Variants in TTC17 observed in about 807,000 individuals in gnomAD.
TTC17 encodes the protein tetratricopeptide repeat protein 17.
In TTC17, 58 loss-of-function variants were observed where a neutral mutation model predicts 143.8. The ratio of observed to expected loss-of-function variants is 0.40; its 90% CI spans 0.33 to 0.50. TTC17 has a LOEUF of 0.50. Among genes scored for constraint, TTC17 ranks in the 20% least tolerant of loss-of-function variants. The probability of loss-of-function intolerance (pLI) is 0.49; values close to 1 mark genes in which losing one functional copy is unlikely to be tolerated. For synonymous variants in TTC17, 501 were observed against 497.8 expected (o/e 1.01, Z -0.09); for missense variants, 1,273 against 1,392.5 (o/e 0.91, Z 1.37).
chr11:43,472,465 A>G (rs902912587), intron 21 of TTC17, among the ~76,000 whole-genome samples: 6 of 152,256 alleles, frequency 3.9e-5, no homozygotes, highest in East Asian at 3.8e-4. Context: ...CAGACATTTC[A>G]TAATGATAAA....
At chr11:43,417,683 A>G (rs1302499590) in intron 16 of TTC17, among the ~76,000 whole-genome samples, 4 of 152,142 alleles carry the variant, frequency 2.6e-5, no homozygotes, top group East Asian at 3.9e-4. Flanking sequence ...TAAAAATACA[A>G]TAATTAGCTG....
chr11:43,490,658 G>A (rs1434773503), intron 22 of TTC17: 3 of 181,792 alleles, frequency 1.7e-5, no homozygotes, highest in Non-Finnish European at 3.4e-5. Context: ...TACAGCAAAT[G>A]CACTGGCCTA....
chr11:43,417,409 TA>T (rs1946802206), intron 16 of TTC17, among the ~76,000 whole-genome samples: 1 of 152,214 alleles, frequency 6.6e-6, no homozygotes, highest in African/African-American at 2.4e-5. Flanking sequence ...TTTTATAAGT[TA>T]TCTTGTCTGA....
chr11:43,447,737 T>A, intron 18 of TTC17: 1 of 339,208 alleles, frequency 2.9e-6, no homozygotes, highest in Non-Finnish European at 5.3e-6. Flanking sequence ...CCTTAACCCC[T>A]TATTTCATGT....
intron 16 of TTC17, among the ~76,000 whole-genome samples, chr11:43,441,103 C>T (rs1947408020): frequency 1.4e-5 from 2 of 141,232 alleles, no homozygotes; most frequent in East Asian, 1.9e-4. Context: ...AACCCCATCT[C>T]TACAAAAATA....
At chr11:43,414,131 A>G (rs1034153915) in intron 15 of TTC17, among the ~76,000 whole-genome samples, 44 of 152,336 alleles carry the variant, frequency 2.9e-4, no homozygotes, top group African/African-American at 1.0e-3. Context: ...ATACAGAAGC[A>G]TGAATGAATT....
At chr11:43,417,612 G>A (rs1342077020) in intron 16 of TTC17, among the ~76,000 whole-genome samples, 1 of 152,144 alleles carries the variant, frequency 6.6e-6, no homozygotes, top group African/African-American at 2.4e-5. Context: ...AAGGTAGGTG[G>A]ATCACCTGGT....
chr11:43,397,630 A>G, intron 7 of TTC17, 139 bp downstream of exon 7: 1 of 999,604 alleles, frequency 1.0e-6, no homozygotes, highest in Non-Finnish European at 1.4e-6. Flanking sequence ...AGGAGGAAGA[A>G]AAATCCTCAA....
chr11:43,447,108 C>T (rs368618811), intron 18 of TTC17, among the ~76,000 whole-genome samples: 4 of 152,170 alleles, frequency 2.6e-5, no homozygotes, highest in African/African-American at 9.6e-5. Flanking sequence ...TCACTTGAGT[C>T]CAGGAGGTTA....
intron 15 of TTC17, among the ~76,000 whole-genome samples, chr11:43,410,097 C>T (rs1436082795): frequency 6.6e-6 from 1 of 152,146 alleles, no homozygotes; most frequent in Non-Finnish European, 1.5e-5. Context: ...AAGTGATCCG[C>T]CCGCCTTGAC....
chr11:43,386,516 G>T (rs549599920), intron 2 of TTC17, among the ~76,000 whole-genome samples: 2 of 152,106 alleles, frequency 1.3e-5, no homozygotes, highest in African/African-American at 4.8e-5. Flanking sequence ...ATCTTTATGT[G>T]GTACTTGACT....
chr11:43,440,357 C>T (rs115593618), intron 16 of TTC17, among the ~76,000 whole-genome samples: 146 of 152,306 alleles, frequency 9.6e-4, no homozygotes, highest in African/African-American at 3.3e-3. Flanking sequence ...TTGCCCTTTC[C>T]TAACTCCATT....
chr11:43,472,039 A>G (rs1191003397), intron 21 of TTC17, among the ~76,000 whole-genome samples: 1 of 152,120 alleles, frequency 6.6e-6, no homozygotes. Context: ...AAAATATACA[A>G]CAGTTAAAAT....
chr11:43,391,927 A>T lies in TTC17; in HGVS notation c.638A>T (p.His213Leu). Reference sequence around the variant, plus strand: ...GGAAGGAGTATAGATGACATAGGTCACCTCATTCATGAAGGCCTACAGAAG... The same window carrying T: ...GGAAGGAGTATAGATGACATAGGTCTCCTCATTCATGAAGGCCTACAGAAG... ...RLGRSIDDIG[H>L]LIHEGLQKNT... The change falls in exon 5 of 24, where the codon CAC becomes CTC. Residue 213 changes from histidine to leucine, a missense_variant. Physicochemically the swap from His to Leu is moderately conservative, Grantham distance 99. Around this residue, in one of 3 missense-constraint regions of TTC17, gnomAD observed 325 missense variants for 444.2 expected, o/e 0.73. Transcript: ENST00000039989. 2 of 1,610,800 alleles carry T rather than the reference A, an allele frequency of 1.2e-6. No individual in the cohort carries two copies. Among genetic ancestry groups the T allele is most frequent in the Non-Finnish European group, 1.7e-6 (2 of 1,179,028 alleles).
chr11:43,458,654 C>T (rs1947807920), intron 21 of TTC17, among the ~76,000 whole-genome samples: 1 of 152,110 alleles, frequency 6.6e-6, no homozygotes, highest in Admixed American at 6.5e-5. Flanking sequence ...CCCCAAGAAC[C>T]CCACAGTCCC....
At chr11:43,443,264 A>T (rs1590430201) in intron 16 of TTC17, 61 bp from the exon 17 acceptor site, 1 of 1,575,670 alleles carries the variant, frequency 6.3e-7, no homozygotes, top group Admixed American at 1.8e-5. Flanking sequence ...GGTTGGAGTC[A>T]CCCAAGGTCT....
Position 43,405,526 on chromosome 11 carries a change from A to G in TTC17, c.1492A>G (p.Ile498Val), listed in dbSNP as rs775199930. Residue 498 changes from isoleucine (I) to valine (V), a missense_variant, in exon 12 of 24, where the codon ATT becomes GTT. Ile to Val is a conservative substitution (Grantham distance 29). Transcript: ENST00000039989. ...DSDAYRDKQH[I>V]LWPKRADCTE... Reference sequence around the variant, plus strand: ...GTTTCTTTATCAGGACAAACAGCATATTCTATGGCCTAAAAGAGCAGATTG... The same window carrying G: ...GTTTCTTTATCAGGACAAACAGCATGTTCTATGGCCTAAAAGAGCAGATTG... 4.2e-5 allele frequency: 67 copies of G among 1,613,586 alleles called. No individual in the cohort carries two copies. The Admixed American group carries it at 1.1e-3, about 27-fold the overall frequency.
At chr11:43,411,151 A>G (rs1858394551) in intron 15 of TTC17, among the ~76,000 whole-genome samples, 1 of 152,240 alleles carries the variant, frequency 6.6e-6, no homozygotes, top group Non-Finnish European at 1.5e-5. Flanking sequence ...GTAATGATGT[A>G]GAAGGTCCTA....
At chr11:43,481,210 C>G (rs1293548186) in intron 21 of TTC17, among the ~76,000 whole-genome samples, 1 of 151,794 alleles carries the variant, frequency 6.6e-6, no homozygotes, top group Non-Finnish European at 1.5e-5. Flanking sequence ...GTAAAATACC[C>G]TCAAAATATG....
Sources: gnomAD v4.1 joint callset for allele counts (sites outside exome capture counted in the v4.1 genomes callset) on GRCh38, gnomAD v4.1.1 for gene constraint, gnomAD v4.1.1 regional missense constraint, MANE v1.5 for transcripts, NCBI Gene and HGNC (gene_info 2026-07-23, HGNC 2026-07-21) for gene names.